HEMK2: variants seen among roughly 807,000 people sequenced by gnomAD.
HEMK2 encodes the protein methyltransferase HEMK2.
chr21:28,871,347 G>A, the HEMK2 span, among the ~76,000 whole-genome samples: 3 of 152,114 alleles, frequency 2.0e-5, no homozygotes, highest in Admixed American at 2.0e-4. Context: ...CCACATGGTT[G>A]GAGCAGGAGG....
the HEMK2 span, among the ~76,000 whole-genome samples, chr21:28,751,837 G>A: frequency 3.9e-5 from 6 of 152,170 alleles, no homozygotes; most frequent in South Asian, 4.1e-4. Flanking sequence ...ATGCCATTAC[G>A]TCCAGCTAAT....
At chr21:28,877,630 A>G in the HEMK2 span, among the ~76,000 whole-genome samples, 2 of 131,182 alleles carry the variant, frequency 1.5e-5, no homozygotes, top group Non-Finnish European at 3.4e-5. Context: ...AAAGAGAGAA[A>G]TAGGAAGGAA....
At chr21:28,852,834 C>A in the HEMK2 span, among the ~76,000 whole-genome samples, 1 of 152,164 alleles carries the variant, frequency 6.6e-6, no homozygotes, top group Non-Finnish European at 1.5e-5. Context: ...TCTAGGAACA[C>A]CATGATTAAT....
At chr21:28,640,038 T>C in the HEMK2 span, among the ~76,000 whole-genome samples, 5 of 152,126 alleles carry the variant, frequency 3.3e-5, no homozygotes, top group South Asian at 8.3e-4. Flanking sequence ...CTAGGGAACA[T>C]TCACTCCAAT....
the HEMK2 span, among the ~76,000 whole-genome samples, chr21:28,662,976 T>A: frequency 6.6e-6 from 1 of 152,254 alleles, no homozygotes; most frequent in South Asian, 2.1e-4. Flanking sequence ...AGAAAAAGCA[T>A]ACCTCTGAGA....
chr21:28,577,830 A>G, the HEMK2 span, among the ~76,000 whole-genome samples: 1 of 152,096 alleles, frequency 6.6e-6, no homozygotes, highest in Non-Finnish European at 1.5e-5. Flanking sequence ...TCTAAATCCT[A>G]CTTCCTCAAT....
chr21:28,680,976 C>T, the HEMK2 span, among the ~76,000 whole-genome samples: 8 of 152,154 alleles, frequency 5.3e-5, no homozygotes, highest in Admixed American at 5.2e-4. Flanking sequence ...GAAGCAATCC[C>T]TTTGAAAACT....
chr21:28,587,417 G>GCTA, the HEMK2 span, among the ~76,000 whole-genome samples: 2 of 152,146 alleles, frequency 1.3e-5, no homozygotes, highest in African/African-American at 2.4e-5. Context: ...TAAACAAATA[G>GCTA]ATTAGTTCAT....
At chr21:28,775,413 C>A in the HEMK2 span, among the ~76,000 whole-genome samples, 1 of 152,020 alleles carries the variant, frequency 6.6e-6, no homozygotes, top group Non-Finnish European at 1.5e-5. Flanking sequence ...ATATACAGGT[C>A]TTGAGCTGAG....
chr21:28,654,534 A>C, the HEMK2 span, among the ~76,000 whole-genome samples: 2 of 152,102 alleles, frequency 1.3e-5, no homozygotes, highest in African/African-American at 4.8e-5. Flanking sequence ...AAGCATAAGA[A>C]TTGTTTCTGA....
the HEMK2 span, among the ~76,000 whole-genome samples, chr21:28,880,839 C>A: frequency 6.8e-6 from 1 of 146,648 alleles, no homozygotes; most frequent in African/African-American, 2.5e-5. Flanking sequence ...GATATTCTAG[C>A]TTTTATTAGC....
the HEMK2 span, among the ~76,000 whole-genome samples, chr21:28,745,242 T>A: frequency 1.3e-5 from 2 of 152,238 alleles, no homozygotes; most frequent in African/African-American, 4.8e-5. Context: ...TACTGTCATC[T>A]CGTGGTCAGT....
At chr21:28,811,363 GAGGAAGGAAGGAAAGGA>G in the HEMK2 span, among the ~76,000 whole-genome samples, 2 of 143,010 alleles carry the variant, frequency 1.4e-5, no homozygotes, top group South Asian at 4.6e-4. Flanking sequence ...GGAAGGGAGG[GAGGAAGGAAGGAAAGGA>G]AGGAAGGAAG....
At chr21:28,628,047 A>C in the HEMK2 span, among the ~76,000 whole-genome samples, 2 of 152,118 alleles carry the variant, frequency 1.3e-5, no homozygotes, top group Admixed American at 6.6e-5. Flanking sequence ...AACCCTCAGG[A>C]GTGTACTTTC....
the HEMK2 span, among the ~76,000 whole-genome samples, chr21:28,693,559 A>G: frequency 3.9e-5 from 6 of 152,220 alleles, no homozygotes; most frequent in African/African-American, 9.6e-5. Flanking sequence ...CAACATTTTG[A>G]TTGCTGCAGC....
At chr21:28,831,401 T>C in the HEMK2 span, among the ~76,000 whole-genome samples, 630 of 142,342 alleles carry the variant, frequency 4.4e-3, no homozygotes, top group African/African-American at 0.016. Context: ...GCCAAGAACA[T>C]GCCACTGTAC....
At chr21:28,631,698 T>A in the HEMK2 span, among the ~76,000 whole-genome samples, 6 of 152,138 alleles carry the variant, frequency 3.9e-5, no homozygotes, top group African/African-American at 1.4e-4. Context: ...AGTCTACTGA[T>A]TAAACAGTAA....
At chr21:28,750,912 T>C in the HEMK2 span, among the ~76,000 whole-genome samples, 1 of 152,038 alleles carries the variant, frequency 6.6e-6, no homozygotes, top group Non-Finnish European at 1.5e-5. Flanking sequence ...ACTCGCCATG[T>C]TTAGAAACTT....
At chr21:28,599,317 TG>T in the HEMK2 span, among the ~76,000 whole-genome samples, 1 of 152,170 alleles carries the variant, frequency 6.6e-6, no homozygotes, top group African/African-American at 2.4e-5. Flanking sequence ...TCCATATGGC[TG>T]GGGAGGCCTC....
Sources: allele counts gnomAD v4.1 joint callset (sites outside exome capture counted in the v4.1 genomes callset), GRCh38; gene constraint gnomAD v4.1.1; transcripts MANE v1.5; gene names NCBI Gene and HGNC (gene_info 2026-07-23, HGNC 2026-07-21).